The following PACC1 variants were observed in gnomAD, a reference collection of about 807,000 sequenced individuals.
PACC1 encodes proton activated chloride channel 1.
PACC1 carries 34 observed loss-of-function variants against 39.7 expected under a neutral mutation model. That is an observed-to-expected ratio of 0.86 (90% confidence interval 0.65 to 1.14). The LOEUF (loss-of-function observed/expected upper bound fraction) is 1.14. Ranked by LOEUF, PACC1 falls within the 50% of genes most tolerant of loss-of-function variation. The pLI, the probability that PACC1 is intolerant of heterozygous loss-of-function variation, is 0.00. For synonymous variants in PACC1, 127 were observed against 160.6 expected (o/e 0.79, Z 1.58); for missense variants, 379 against 436.4 (o/e 0.87, Z 1.17).
Position 212,413,889 on chromosome 1 carries a change from A to T in PACC1, c.36+833T>A, listed in dbSNP as rs1662226369. ...CAAACACAGGGACACAAACTGGAGGAGGACCGACCTGGAACTGCCTGACTT... is the reference window on the plus strand; with the variant it reads ...CAAACACAGGGACACAAACTGGAGGTGGACCGACCTGGAACTGCCTGACTT... On this transcript the variant is annotated intron_variant, in intron 1 of 7. Coordinates refer to ENST00000261455, the MANE Select transcript of PACC1 (RefSeq NM_018252.3). 6 of 1,530,902 alleles carry T rather than the reference A, an allele frequency of 3.9e-6. No individual in the cohort carries two copies. The East Asian group carries it at 1.5e-4, about 37-fold the overall frequency. The allele number at this position is 1,530,902 out of a possible 1,614,324, so 94.8% of individuals were successfully genotyped here. A position where few individuals can be genotyped will look rare whatever the true frequency, so the allele number is the denominator to read the frequency against.
chr1:212,368,279 A>C (rs1660316594), intron 7 of PACC1, among the ~76,000 whole-genome samples: 1 of 152,206 alleles, frequency 6.6e-6, no homozygotes, highest in Non-Finnish European at 1.5e-5. Flanking sequence ...GGGTATAAAC[A>C]AGGGCAGACT....
intron 1 of PACC1, among the ~76,000 whole-genome samples, chr1:212,412,823 T>A (rs1021146499): frequency 2.0e-4 from 30 of 152,210 alleles, no homozygotes; most frequent in African/African-American, 7.2e-4. Context: ...TAACAAGAGC[T>A]ATCATTCACT....
chr1:212,388,375 C>T (rs2102502570), intron 2 of PACC1, among the ~76,000 whole-genome samples: 1 of 152,304 alleles, frequency 6.6e-6, no homozygotes, highest in East Asian at 1.9e-4. Context: ...GTCTCCCCTA[C>T]CTCCCTCACA....
At chr1:212,389,840 G>C (rs1171986286) in intron 2 of PACC1, among the ~76,000 whole-genome samples, 2 of 152,156 alleles carry the variant, frequency 1.3e-5, no homozygotes, top group Non-Finnish European at 2.9e-5. Flanking sequence ...GTAAGATGAT[G>C]AGTTTTACAT....
At chr1:212,374,088 AT>A (rs1157852234) in intron 7 of PACC1, among the ~76,000 whole-genome samples, 1 of 152,074 alleles carries the variant, frequency 6.6e-6, no homozygotes, top group Admixed American at 6.6e-5. Context: ...TCAAAGAGAT[AT>A]CCGCACTCCC....
intron 2 of PACC1, among the ~76,000 whole-genome samples, chr1:212,396,384 C>G (rs1002565535): frequency 6.6e-6 from 1 of 151,824 alleles, no homozygotes; most frequent in Admixed American, 6.6e-5. Flanking sequence ...GGGAACTGAA[C>G]AATGAGAACA....
intron 2 of PACC1, among the ~76,000 whole-genome samples, chr1:212,408,073 CAAA>C (rs77122055): frequency 1.5e-4 from 10 of 67,704 alleles, no homozygotes; most frequent in Admixed American, 1.5e-4. Context: ...GACTCCATCT[CAAA>C]AAAAAAAAAA....
At chr1:212,399,616 C>T (rs771924490) in intron 2 of PACC1, among the ~76,000 whole-genome samples, 1 of 152,090 alleles carries the variant, frequency 6.6e-6, no homozygotes, top group Non-Finnish European at 1.5e-5. Flanking sequence ...ATTTTTGGCT[C>T]ACTGCAACCT....
intron 2 of PACC1, among the ~76,000 whole-genome samples, chr1:212,406,166 C>T (rs1661908544): frequency 7.2e-6 from 1 of 138,516 alleles, no homozygotes; most frequent in Admixed American, 7.4e-5. Flanking sequence ...TACATGAAAG[C>T]ACCCCCAAAA....
chr1:212,378,159 G>C (rs1480951272), intron 5 of PACC1, among the ~76,000 whole-genome samples: 1 of 152,206 alleles, frequency 6.6e-6, no homozygotes, highest in Non-Finnish European at 1.5e-5. Flanking sequence ...AGGGGAAGAG[G>C]GTTCCTTGGG....
At chr1:212,380,151 A>T in intron 4 of PACC1, 114 bp from the exon 5 acceptor site, 10 of 1,129,444 alleles carry the variant, frequency 8.9e-6, no homozygotes, top group Non-Finnish European at 1.3e-5. Flanking sequence ...AGTGGTCTCC[A>T]AAGGGACCAC....
intron 2 of PACC1, among the ~76,000 whole-genome samples, chr1:212,409,002 T>C (rs1339136589): frequency 1.3e-5 from 2 of 152,240 alleles, no homozygotes; most frequent in Non-Finnish European, 2.9e-5. Flanking sequence ...TCAGATCAGC[T>C]GCAGCATTAG....
rs1660181028 is a variant in PACC1 at position 212,365,074 on chromosome 1, T to A, written c.*141A>T. 11 of 788,596 alleles carry A rather than the reference T, an allele frequency of 1.4e-5. No homozygotes were observed. The South Asian group carries it at 2.4e-4, about 17-fold the overall frequency. The allele number at this position is 788,596 out of a possible 1,614,324, so 48.8% of individuals were successfully genotyped here. A position where few individuals can be genotyped will look rare whatever the true frequency, so the allele number is the denominator to read the frequency against. On this transcript the variant is annotated 3_prime_UTR_variant, in exon 8 of 8. Coordinates refer to ENST00000261455, the MANE Select transcript of PACC1 (RefSeq NM_018252.3). ...GCCTCTTTTGGGACGGGGTTAGAAG[T>A]TCCAGTTTTACATGCTGTTCCTCCC...
rs1661118960 is a variant in PACC1 at position 212,386,895 on chromosome 1, G to A, written c.339C>T (p.Ala113=). The A allele has an allele frequency of 2.5e-6, 4 of 1,614,012 alleles. No homozygotes were observed. Among genetic ancestry groups the A allele is most frequent in the Non-Finnish European group, 3.4e-6 (4 of 1,180,026 alleles). The part of the protein sequence containing the change: ...VSYKEVDRYD[A]PGIALYPGQA... ...TGGCCCAGGGGCAGGCTCTACCTGG[G>A]GCATCATAGCGATCCACTTCCTTGT... Residue 113 remains alanine (A), a synonymous_variant, in exon 3 of 8, where the codon GCC becomes GCT. Transcript: ENST00000261455. The surrounding 1 kb of genome is among the most constrained non-coding windows in gnomAD (Gnocchi z 5.0).
chr1:212,365,674 C>T (rs1028923357), intron 7 of PACC1, among the ~76,000 whole-genome samples: 2 of 152,010 alleles, frequency 1.3e-5, no homozygotes, highest in African/African-American at 2.4e-5. Context: ...TACCTGGGTT[C>T]TGAAACTGTC....
chr1:212,396,796 ATATC>A (rs56926217), intron 2 of PACC1, among the ~76,000 whole-genome samples: 25,454 of 146,578 alleles, frequency 0.17, 2,490 homozygotes, highest in Non-Finnish European at 0.2. Flanking sequence ...AGGGAAAAAA[ATATC>A]TATCTATCTA....
At chr1:212,374,572 T>C (rs965536947) in intron 7 of PACC1, among the ~76,000 whole-genome samples, 60 of 152,362 alleles carry the variant, frequency 3.9e-4, no homozygotes, top group African/African-American at 1.3e-3. Flanking sequence ...AAGGAAATTA[T>C]AAATGTTTGA....
chr1:212,413,451 A>G (rs1662207901), intron 1 of PACC1, among the ~76,000 whole-genome samples: 1 of 152,250 alleles, frequency 6.6e-6, no homozygotes, highest in African/African-American at 2.4e-5. Flanking sequence ...TGAGAAGGAC[A>G]GACAGAAATG....
At chr1:212,368,758 T>C (rs559966718) in intron 7 of PACC1, among the ~76,000 whole-genome samples, 1 of 151,376 alleles carries the variant, frequency 6.6e-6, no homozygotes, top group East Asian at 1.9e-4. Flanking sequence ...CTTGGCCGGG[T>C]GCGGTGGCTC....
Sources: gnomAD v4.1 joint callset for allele counts (sites outside exome capture counted in the v4.1 genomes callset) on GRCh38, gnomAD v4.1.1 for gene constraint, Gnocchi (gnomAD v3.1) non-coding constraint, MANE v1.5 for transcripts, NCBI Gene and HGNC (gene_info 2026-07-23, HGNC 2026-07-21) for gene names.